Variants in MARCHF1 observed in about 807,000 individuals in gnomAD.
MARCHF1 encodes membrane associated ring-CH-type finger 1.
In MARCHF1, 40 loss-of-function variants were observed where a neutral mutation model predicts 54.2. The ratio of observed to expected loss-of-function variants is 0.74; its 90% CI spans 0.57 to 0.96. The LOEUF (loss-of-function observed/expected upper bound fraction) is 0.96, where lower values mean the gene tolerates loss of function less well. Ranked by LOEUF, MARCHF1 falls within the 40% of genes least tolerant of loss-of-function variation. The probability of loss-of-function intolerance (pLI) is 0.00; values close to 1 mark genes in which losing one functional copy is unlikely to be tolerated. For missense variants in MARCHF1, 586 were observed against 656.5 expected (o/e 0.89, Z 1.17); for synonymous variants, 236 against 236.3 (o/e 1.00, Z 0.01).
chr4:164,142,115 G>C (rs1756555229), intron 1 of MARCHF1, among the ~76,000 whole-genome samples: 1 of 152,194 alleles, frequency 6.6e-6, no homozygotes, highest in Non-Finnish European at 1.5e-5. Context: ...TTTTCCAACG[G>C]GCTTAAAACA....
chr4:163,868,697 A>G (rs541667759), intron 3 of MARCHF1, among the ~76,000 whole-genome samples: 97 of 152,192 alleles, frequency 6.4e-4, no homozygotes, highest in Non-Finnish European at 1.2e-3. Flanking sequence ...GTGAAGATCC[A>G]TCTGAAGATA....
At chr4:163,871,852 A>G (rs1750176567) in intron 3 of MARCHF1, among the ~76,000 whole-genome samples, 1 of 152,170 alleles carries the variant, frequency 6.6e-6, no homozygotes, top group Non-Finnish European at 1.5e-5. Context: ...GTATTCCAAA[A>G]TCAAATGCCA....
chr4:163,817,758 A>G (rs990000297), intron 4 of MARCHF1, among the ~76,000 whole-genome samples: 1 of 152,008 alleles, frequency 6.6e-6, no homozygotes, highest in Admixed American at 6.6e-5. Context: ...TGGCACATAT[A>G]CACCACGGAA....
intron 3 of MARCHF1, among the ~76,000 whole-genome samples, chr4:163,908,711 A>G (rs1042851297): frequency 2.0e-4 from 31 of 152,130 alleles, no homozygotes; most frequent in African/African-American, 6.3e-4. Flanking sequence ...AGGCAATTAG[A>G]GGACTAATGG....
chr4:164,078,220 A>G (rs1415336634), intron 2 of MARCHF1, among the ~76,000 whole-genome samples: 1 of 152,202 alleles, frequency 6.6e-6, no homozygotes, highest in Non-Finnish European at 1.5e-5. Context: ...GGATGAGTTC[A>G]TGTCCTCTGC....
chr4:164,154,363 A>C (rs943177458), intron 1 of MARCHF1, among the ~76,000 whole-genome samples: 5 of 152,238 alleles, frequency 3.3e-5, no homozygotes, highest in African/African-American at 1.2e-4. Context: ...TAGATGAGGA[A>C]ACTGGTTTAC....
chr4:163,737,575 C>T (rs2111347879), intron 4 of MARCHF1, among the ~76,000 whole-genome samples: 1 of 119,050 alleles, frequency 8.4e-6, no homozygotes. Flanking sequence ...CATAGTATTC[C>T]ATGGTGTATA....
chr4:163,823,371 T>C (rs560516144), intron 4 of MARCHF1, among the ~76,000 whole-genome samples: 5 of 151,804 alleles, frequency 3.3e-5, no homozygotes, highest in Non-Finnish European at 5.9e-5. Context: ...AAATCTAATC[T>C]AATAAACTCG....
At chr4:163,936,765 T>G (rs1456366818) in intron 3 of MARCHF1, among the ~76,000 whole-genome samples, 1 of 152,172 alleles carries the variant, frequency 6.6e-6, no homozygotes, top group African/African-American at 2.4e-5. Flanking sequence ...GATGTTGATA[T>G]AAACAAAATT....
intron 5 of MARCHF1, among the ~76,000 whole-genome samples, chr4:163,633,860 C>T (rs2111003884): frequency 6.6e-6 from 1 of 152,266 alleles, no homozygotes; most frequent in East Asian, 1.9e-4. Flanking sequence ...GGTCGGGTTA[C>T]CCTCAAAGGG....
At chr4:164,109,614 C>A (rs1755787650) in intron 2 of MARCHF1, among the ~76,000 whole-genome samples, 1 of 151,392 alleles carries the variant, frequency 6.6e-6, no homozygotes, top group South Asian at 2.1e-4. Flanking sequence ...CCCACATATT[C>A]CAGATTCTTC....
intron 1 of MARCHF1, among the ~76,000 whole-genome samples, chr4:164,348,456 A>C (rs552297942): frequency 6.6e-6 from 1 of 152,246 alleles, no homozygotes; most frequent in South Asian, 2.1e-4. Flanking sequence ...TGTTCCCTTG[A>C]CCTGGAAGTG....
At chr4:164,320,263 T>C (rs1251103872) in intron 1 of MARCHF1, among the ~76,000 whole-genome samples, 1 of 152,194 alleles carries the variant, frequency 6.6e-6, no homozygotes, top group Non-Finnish European at 1.5e-5. Flanking sequence ...GTAGAATTCA[T>C]TCATTAGGGA....
At chr4:163,734,547 C>T (rs1256787259) in intron 4 of MARCHF1, among the ~76,000 whole-genome samples, 4 of 145,440 alleles carry the variant, frequency 2.8e-5, no homozygotes, top group African/African-American at 1.0e-4. Flanking sequence ...AAAGCTAGAC[C>T]AAAAAAAGAA....
At chr4:164,380,102 C>T (rs939001927) in intron 1 of MARCHF1, among the ~76,000 whole-genome samples, 6 of 151,752 alleles carry the variant, frequency 4.0e-5, no homozygotes, top group African/African-American at 1.2e-4. Context: ...AATAAAAATA[C>T]ATAACCACTT....
In MARCHF1 at chr4:163,784,623, C is replaced by T. The variant is rs537884630; in HGVS notation, c.111+69398G>A. ...CCTATGCCATTGATTCTACCTATGCCATTGACATATATAATATGATAATTC... is the reference window on the plus strand; with the variant it reads ...CCTATGCCATTGATTCTACCTATGCTATTGACATATATAATATGATAATTC... On this transcript the variant is annotated intron_variant, in intron 4 of 9. Transcript: ENST00000514618. 1.7e-4 allele frequency among the ~76,000 whole-genome samples: 26 copies of T among 152,132 alleles called. 1 individual carries two copies. The highest frequency in any genetic ancestry group is 1.0e-3 in the South Asian group (5 of 4,816).
At chr4:163,680,935 A>AATAC (rs900022640) in intron 5 of MARCHF1, among the ~76,000 whole-genome samples, 1 of 151,426 alleles carries the variant, frequency 6.6e-6, no homozygotes, top group Non-Finnish European at 1.5e-5. Context: ...CACTGTGTCT[A>AATAC]ATACATACAT....
chr4:164,165,033 A>G (rs1177933543), intron 1 of MARCHF1, among the ~76,000 whole-genome samples: 1 of 152,006 alleles, frequency 6.6e-6, no homozygotes, highest in Non-Finnish European at 1.5e-5. Flanking sequence ...AAGGCAGAAA[A>G]TTACCTACAG....
At chr4:163,596,429 G>T (rs1186504936) in intron 7 of MARCHF1, among the ~76,000 whole-genome samples, 1 of 149,030 alleles carries the variant, frequency 6.7e-6, no homozygotes, top group Non-Finnish European at 1.5e-5. Context: ...AATCCCAGTT[G>T]TTTGGGAAGC....
Sources: gnomAD v4.1 joint callset for allele counts (sites outside exome capture counted in the v4.1 genomes callset) on GRCh38, gnomAD v4.1.1 for gene constraint, MANE v1.5 for transcripts, NCBI Gene and HGNC (gene_info 2026-07-23, HGNC 2026-07-21) for gene names.